IGSF3: variants seen among roughly 807,000 people sequenced by gnomAD.
IGSF3 encodes glu-Trp-Ile EWI motif-containing protein 3.
In IGSF3, 23 loss-of-function variants were observed where a neutral mutation model predicts 114.4. That is an observed-to-expected ratio of 0.20 (90% CI 0.14 to 0.28). IGSF3 has a LOEUF of 0.28. IGSF3 is among the 10% of genes least tolerant of loss of function. IGSF3 has a pLI of 1.00. For synonymous variants in IGSF3, 571 were observed against 645.2 expected (o/e 0.88, Z 1.74); for missense variants, 1,172 against 1,591.5 (o/e 0.74, Z 4.48).
Position 116,579,736 on chromosome 1 carries a change from G to C in IGSF3, c.2990C>G (p.Ala997Gly). Reference protein sequence around the residue: ...AVAWYSLRTKAGGKRSSPGLE... With the variant: ...AVAWYSLRTKGGGKRSSPGLE... The stretch of plus-strand genomic sequence containing the variant: ...GCCAGGGCTGCTCCTTTTCCCCCCA[G>C]CTTTAGTCCTCAGGGAATACCAGGC... The change falls in exon 10 of 11, where the codon GCT (alanine) becomes GGT (glycine). Residue 997 changes from alanine (A) to glycine (G), a missense_variant. Physicochemically the swap from Ala to Gly is moderately conservative, Grantham distance 60. Around this residue, in one of 3 missense-constraint regions of IGSF3, gnomAD observed 423 missense variants for 509.8 expected, o/e 0.83. Transcript: ENST00000369486. This position sits in a 1 kb window ranked among gnomAD's most constrained non-coding sequence, Gnocchi z 6.4. The C allele has an allele frequency of 2.5e-6, 4 of 1,578,438 alleles. No homozygotes were observed. In the South Asian group the frequency reaches 3.3e-5, roughly 13 times the overall value.
chr1:116,648,787 C>T lies in IGSF3; in HGVS notation c.43+17497G>A, dbSNP rs1455665712. 6.6e-6 allele frequency among the ~76,000 whole-genome samples: 1 copy of T among 152,208 alleles called. No individual in the cohort carries two copies. The highest frequency in any genetic ancestry group is 6.5e-5 in the Admixed American group (1 of 15,282). The stretch of plus-strand genomic sequence containing the variant: ...ATTGAGACACTCCACCTGGTCACCA[C>T]TGGACCCCAGCCACCCAAACATTCT... On this transcript the variant is annotated intron_variant, in intron 2 of 10. Transcript: ENST00000369486. This position sits in a 1 kb window ranked among gnomAD's most constrained non-coding sequence, Gnocchi z 4.7.
chr1:116,647,421 C>A lies in IGSF3; in HGVS notation c.43+18863G>T, dbSNP rs974231443. On this transcript the variant is annotated intron_variant, in intron 2 of 10. Transcript: ENST00000369486. The surrounding 1 kb of genome is among the most constrained non-coding windows in gnomAD (Gnocchi z 4.6). Reference sequence around the variant, plus strand: ...CAAATTCCAGCTCCAAATGGTCACACCATGTCTACAGCCAATCAGCTGACC... The same window carrying A: ...CAAATTCCAGCTCCAAATGGTCACAACATGTCTACAGCCAATCAGCTGACC... 2.0e-5 allele frequency among the ~76,000 whole-genome samples: 3 copies of A among 152,224 alleles called. No individual in the cohort carries two copies. Among genetic ancestry groups the A allele is most frequent in the Non-Finnish European group, 4.4e-5 (3 of 68,050 alleles).
chr1:116,641,665 C>A (rs1230491236), intron 2 of IGSF3, among the ~76,000 whole-genome samples: 1 of 151,884 alleles, frequency 6.6e-6, no homozygotes, highest in African/African-American at 2.4e-5. Flanking sequence ...TCAGAACAGG[C>A]AGAGAGCAGA....
chr1:116,648,358 C>T lies in IGSF3; in HGVS notation c.43+17926G>A, dbSNP rs1318552722. ...TCTGGGTATTAGGAGTTGAGGTGTT[C>T]GGTTAGAGAAGAAACAGGATGCACG... On this transcript the variant is annotated intron_variant, in intron 2 of 10. Coordinates refer to ENST00000369486, the MANE Select transcript of IGSF3 (RefSeq NM_001007237.3). This position sits in a 1 kb window ranked among gnomAD's most constrained non-coding sequence, Gnocchi z 4.7. 3.9e-5 allele frequency among the ~76,000 whole-genome samples: 6 copies of T among 152,244 alleles called. No individual in the cohort carries two copies. The highest frequency in any genetic ancestry group is 1.2e-4 in the African/African-American group (5 of 41,538).
chr1:116,630,878 T>C (rs1251814686), intron 2 of IGSF3, among the ~76,000 whole-genome samples: 2 of 152,178 alleles, frequency 1.3e-5, no homozygotes, highest in African/African-American at 4.8e-5. Context: ...AGCTCGAATC[T>C]ATGCAGAGCT....
intron 9 of IGSF3, among the ~76,000 whole-genome samples, chr1:116,581,930 G>A (rs1659618858): frequency 6.6e-6 from 1 of 152,120 alleles, no homozygotes; most frequent in African/African-American, 2.4e-5. Flanking sequence ...CTGGTGACTG[G>A]CTAAGGTGTC....
intron 2 of IGSF3, among the ~76,000 whole-genome samples, chr1:116,619,202 A>G (rs1661330957): frequency 6.6e-6 from 1 of 152,188 alleles, no homozygotes; most frequent in African/African-American, 2.4e-5. Context: ...ATTCTCCTCC[A>G]GTCTTCCCCA....
At position 116,662,890 on chromosome 1, in the gene IGSF3, G is replaced by C. The variant is rs1011043633; in HGVS notation, c.43+3394C>G. On this transcript the variant is annotated intron_variant, in intron 2 of 10. Transcript: ENST00000369486. This position sits in a 1 kb window ranked among gnomAD's most constrained non-coding sequence, Gnocchi z 4.3. ...CCCTGCCTCTGAGGTCACACCCATA[G>C]TACTTCAAAGTTTCTTTCAATCCCT... 6.6e-6 allele frequency among the ~76,000 whole-genome samples: 1 copy of C among 152,140 alleles called. No homozygotes were observed. Among genetic ancestry groups the C allele is most frequent in the African/African-American group, 2.4e-5 (1 of 41,412 alleles).
At chr1:116,623,022 G>C (rs1210383258) in intron 2 of IGSF3, among the ~76,000 whole-genome samples, 1 of 152,214 alleles carries the variant, frequency 6.6e-6, no homozygotes, top group African/African-American at 2.4e-5. Context: ...GTGCTTCATG[G>C]AACTTAAAGG....
chr1:116,606,593 T>C, intron 5 of IGSF3: 1 of 768,338 alleles, frequency 1.3e-6, no homozygotes, highest in Non-Finnish European at 2.4e-6. Context: ...TCAAACAAGT[T>C]CTCAGAAGGG....
Position 116,661,569 on chromosome 1 carries a change from C to A in IGSF3, c.43+4715G>T, listed in dbSNP as rs973060471. 2.0e-5 allele frequency among the ~76,000 whole-genome samples: 3 copies of A among 152,202 alleles called. No homozygotes were observed. The highest frequency in any genetic ancestry group is 4.4e-5 in the Non-Finnish European group (3 of 68,038). ...ATCTAACTCATGCCTTCCTAACAAG[C>A]CTTCTTAGAAGCCAGAGGCTCGGCT... On this transcript the variant is annotated intron_variant, in intron 2 of 10. Transcript: ENST00000369486. This position sits in a 1 kb window ranked among gnomAD's most constrained non-coding sequence, Gnocchi z 4.0.
rs74111649 is a variant in IGSF3 at position 116,634,696 on chromosome 1, A to G, written c.44-18239T>C. Among the ~76,000 whole-genome samples the G allele has an allele frequency of 0.028, 4,274 of 151,108 alleles. 193 individuals are homozygous for G. The highest frequency in any genetic ancestry group is 0.097 in the African/African-American group (3,974 of 41,160). On this transcript the variant is annotated intron_variant, in intron 2 of 10. Transcript: ENST00000369486. The surrounding 1 kb of genome is among the most constrained non-coding windows in gnomAD (Gnocchi z 4.2). ...TGCTCTGCTTACCCATGGCTTTGAC[A>G]CTCCTTCCATCGAGAGGGCAGAACC...
rs1166942462 is a variant in IGSF3, at chr1:116,648,159, G to A, written c.43+18125C>T. Reference sequence around the variant, plus strand: ...GAACGCAACAGCAGCAGCAAACACTGATCTGATGACACCCCAGTTTTGTAG... The same window carrying A: ...GAACGCAACAGCAGCAGCAAACACTAATCTGATGACACCCCAGTTTTGTAG... On this transcript the variant is annotated intron_variant, in intron 2 of 10. Transcript: ENST00000369486. This position sits in a 1 kb window ranked among gnomAD's most constrained non-coding sequence, Gnocchi z 4.7. Among the ~76,000 whole-genome samples the A allele has an allele frequency of 6.6e-6, 1 of 152,144 alleles. No individual in the cohort carries two copies. The highest frequency in any genetic ancestry group is 2.4e-5 in the African/African-American group (1 of 41,424).
intron 2 of IGSF3, among the ~76,000 whole-genome samples, chr1:116,652,060 T>G (rs1310070872): frequency 6.6e-6 from 1 of 152,202 alleles, no homozygotes; most frequent in South Asian, 2.1e-4. Flanking sequence ...AATCTAATCT[T>G]GGAAGGTGAG....
In IGSF3 at chr1:116,614,091, A is replaced by G. The variant is rs2101494386; in HGVS notation, c.506T>C (p.Val169Ala). Reference protein sequence around the residue: ...EQDPLELTCEVASETIQHSHL... With the variant: ...EQDPLELTCEAASETIQHSHL... ...GCTGTGCTGAATGGTCTCTGAGGCC[A>G]CCTCACAAGTGAGCTCCAGCGGGTC... The change falls in exon 4 of 11, where the codon GTG (valine) becomes GCG (alanine). Residue 169 changes from valine (V) to alanine (A), a missense_variant. This residue lies in a region of IGSF3 where 736 missense variants were observed against 1,042.0 expected (regional missense o/e 0.71). Transcript: ENST00000369486. The surrounding 1 kb of genome is among the most constrained non-coding windows in gnomAD (Gnocchi z 4.5). 1 of 1,614,042 alleles carries G rather than the reference A, an allele frequency of 6.2e-7. No individual in the cohort carries two copies. The highest frequency in any genetic ancestry group is 2.2e-5 in the East Asian group (1 of 44,876).
chr1:116,578,202 G>A (rs1330136859), intron 10 of IGSF3, among the ~76,000 whole-genome samples: 3 of 152,236 alleles, frequency 2.0e-5, no homozygotes, highest in African/African-American at 7.2e-5. Flanking sequence ...ACCTTGGCAG[G>A]AGCCTAGCCT....
At chr1:116,623,647 A>C (rs1435156338) in intron 2 of IGSF3, among the ~76,000 whole-genome samples, 12 of 151,580 alleles carry the variant, frequency 7.9e-5, no homozygotes, top group African/African-American at 2.7e-4. Flanking sequence ...ACTCCAGCCC[A>C]TTCGGTCAAT....
In IGSF3 at chr1:116,607,410, T is replaced by C. The variant is rs554419085; in HGVS notation, c.1222+532A>G. Among the ~76,000 whole-genome samples the C allele has an allele frequency of 3.3e-5, 5 of 152,332 alleles. No homozygotes were observed. In the South Asian group the frequency reaches 6.2e-4, roughly 19 times the overall value. The stretch of plus-strand genomic sequence containing the variant: ...GTGAGAGGTCCCATCCACCGACTTT[T>C]AGAAACACAATTTCAACAGGGAAAA... On this transcript the variant is annotated intron_variant, in intron 5 of 10. Transcript: ENST00000369486. The surrounding 1 kb of genome is among the most constrained non-coding windows in gnomAD (Gnocchi z 6.1).
At chr1:116,658,624 T>G (rs1472808107) in intron 2 of IGSF3, among the ~76,000 whole-genome samples, 2 of 152,178 alleles carry the variant, frequency 1.3e-5, no homozygotes, top group Non-Finnish European at 2.9e-5. Context: ...CCTTTAGAAG[T>G]GCCCAGAATA....
Sources: gnomAD v4.1 joint callset for allele counts (sites outside exome capture counted in the v4.1 genomes callset) on GRCh38, gnomAD v4.1.1 for gene constraint, gnomAD v4.1.1 regional missense constraint, Gnocchi (gnomAD v3.1) non-coding constraint, MANE v1.5 for transcripts, NCBI Gene and HGNC (gene_info 2026-07-23, HGNC 2026-07-21) for gene names.